TTC39C: variants seen among roughly 807,000 people sequenced by gnomAD.
The protein encoded by TTC39C is tetratricopeptide repeat protein 39C.
A neutral mutation model predicts 76.3 loss-of-function variants in TTC39C; 33 were observed. The ratio of observed to expected loss-of-function variants is 0.43; its 90% CI spans 0.33 to 0.58. TTC39C has a LOEUF of 0.58. TTC39C is among the 20% of genes least tolerant of loss of function. The pLI is 0.04. For synonymous variants in TTC39C, 254 were observed against 260.6 expected (o/e 0.97, Z 0.24); for missense variants, 595 against 701.4 (o/e 0.85, Z 1.71).
chr18:24,124,069 A>G, intron 9 of TTC39C, 126 bp downstream of exon 9: 1 of 621,982 alleles, frequency 1.6e-6, no homozygotes, highest in Non-Finnish European at 2.8e-6. Flanking sequence ...AGTGCAGTTC[A>G]CCGCCATGCA....
At chr18:24,053,642 G>T (rs1364710097) in intron 1 of TTC39C, among the ~76,000 whole-genome samples, 3 of 152,188 alleles carry the variant, frequency 2.0e-5, no homozygotes, top group Non-Finnish European at 2.9e-5. Flanking sequence ...TCCATTGATT[G>T]TTGCCACAGT....
chr18:24,130,793 C>T (rs1256720131), intron 12 of TTC39C, among the ~76,000 whole-genome samples: 1 of 151,874 alleles, frequency 6.6e-6, no homozygotes, highest in Non-Finnish European at 1.5e-5. Context: ...TTGTGTACAG[C>T]ATGTTACTGT....
intron 3 of TTC39C, among the ~76,000 whole-genome samples, chr18:24,066,991 A>G (rs1465736491): frequency 6.6e-6 from 1 of 152,228 alleles, no homozygotes; most frequent in Non-Finnish European, 1.5e-5. Context: ...CTAGATTTGG[A>G]ACAACAGTGA....
intron 1 of TTC39C, among the ~76,000 whole-genome samples, chr18:24,029,589 T>G (rs1308517871): frequency 6.6e-6 from 1 of 152,184 alleles, no homozygotes; most frequent in Non-Finnish European, 1.5e-5. Context: ...ATTCCTGAGA[T>G]TTTGGTGTAC....
Position 24,118,243 on chromosome 18 carries a change from C to A in TTC39C, c.1186+11C>A, listed in dbSNP as rs1173129698. Reference sequence around the variant, plus strand: ...CCTACTTGACTGCAGGTGAGTCGCCCATGGTCCCTCAGTGTGCCTCTCTCT... The same window carrying A: ...CCTACTTGACTGCAGGTGAGTCGCCAATGGTCCCTCAGTGTGCCTCTCTCT... On this transcript the variant is annotated intron_variant, in intron 8 of 13. Coordinates refer to ENST00000317571, the MANE Select transcript of TTC39C (RefSeq NM_001135993.2). The A allele has an allele frequency of 1.2e-6, 2 of 1,602,020 alleles. No homozygotes were observed. Among genetic ancestry groups the A allele is most frequent in the South Asian group, 1.1e-5 (1 of 90,088 alleles).
intron 6 of TTC39C, chr18:24,113,856 G>A (rs2084852348): frequency 5.0e-6 from 3 of 599,330 alleles, no homozygotes; most frequent in Non-Finnish European, 9.0e-6. Flanking sequence ...GAGTTTGCTG[G>A]GTCCCAGACA....
intron 7 of TTC39C, among the ~76,000 whole-genome samples, chr18:24,116,884 G>A (rs1005370070): frequency 1.4e-5 from 2 of 142,718 alleles, no homozygotes; most frequent in Non-Finnish European, 3.0e-5. Flanking sequence ...GGAGTGCAGT[G>A]GTGCAGTCTC....
intron 9 of TTC39C, 104 bp downstream of exon 9, chr18:24,124,047 C>T: frequency 1.3e-6 from 1 of 772,674 alleles, no homozygotes. Flanking sequence ...TGCCTATTTA[C>T]TTGCCACATA....
chr18:24,132,826 G>C lies in TTC39C; in HGVS notation c.*252G>C, dbSNP rs2085149665. The C allele has an allele frequency of 2.8e-6, 1 of 355,380 alleles. No individual in the cohort carries two copies. 22.0% of individuals were successfully genotyped at this position (355,380 alleles called of 1,614,324 possible). On this transcript the variant is annotated 3_prime_UTR_variant, in exon 14 of 14. Coordinates refer to ENST00000317571, the MANE Select transcript of TTC39C (RefSeq NM_001135993.2). ...CCTGGGGAGAGGGTTAAGTGACCTT[G>C]CTCAAACGTTTTAGTTTTGTGATTT...
At chr18:24,103,452 C>G (rs1370648008) in intron 6 of TTC39C, among the ~76,000 whole-genome samples, 1 of 152,150 alleles carries the variant, frequency 6.6e-6, no homozygotes, top group Non-Finnish European at 1.5e-5. Flanking sequence ...GTGTGTAATT[C>G]ACTAATCTGC....
At chr18:24,097,475 C>A (rs553865984) in intron 6 of TTC39C, among the ~76,000 whole-genome samples, 12 of 152,350 alleles carry the variant, frequency 7.9e-5, no homozygotes, top group African/African-American at 2.6e-4. Context: ...TGCAGCTGAT[C>A]TGGGTGCAGT....
chr18:24,028,930 T>G (rs1308091948), intron 1 of TTC39C, among the ~76,000 whole-genome samples: 1 of 151,914 alleles, frequency 6.6e-6, no homozygotes, highest in Non-Finnish European at 1.5e-5. Context: ...ACCATATTGA[T>G]CAGGCTAGTC....
Position 24,083,219 on chromosome 18 carries a change from C to T in TTC39C, c.984+138C>T, listed in dbSNP as rs2084398917. On this transcript the variant is annotated intron_variant, in intron 6 of 13. Transcript: ENST00000317571. ...TTTGTTCTTTTGCCTTTCCTTGTGT[C>T]TTTGCTAGGGAAGACTCTTCCAGGA... The T allele has an allele frequency of 5.6e-6, 5 of 898,346 alleles. No homozygotes were observed. The South Asian group carries it at 9.6e-5, about 17-fold the overall frequency. 55.6% of individuals were successfully genotyped at this position (898,346 alleles called of 1,614,324 possible).
At chr18:24,115,954 T>G (rs1252705613) in intron 7 of TTC39C, among the ~76,000 whole-genome samples, 1 of 152,070 alleles carries the variant, frequency 6.6e-6, no homozygotes, top group Admixed American at 6.6e-5. Context: ...TCAAGTCCTA[T>G]GACAGGATAG....
At chr18:24,067,195 T>G (rs147929497) in intron 3 of TTC39C, among the ~76,000 whole-genome samples, 8 of 152,382 alleles carry the variant, frequency 5.2e-5, no homozygotes, top group Middle Eastern at 6.8e-3. Context: ...GAGTGTTCTA[T>G]TCTTCATTTT....
At chr18:24,090,440 T>G (rs940544168) in intron 6 of TTC39C, among the ~76,000 whole-genome samples, 2 of 152,226 alleles carry the variant, frequency 1.3e-5, no homozygotes, top group Non-Finnish European at 2.9e-5. Flanking sequence ...TTAAAGCAGT[T>G]TAACATTTTT....
intron 1 of TTC39C, among the ~76,000 whole-genome samples, chr18:24,026,266 C>T (rs2083599290): frequency 6.6e-6 from 1 of 152,186 alleles, no homozygotes; most frequent in African/African-American, 2.4e-5. Flanking sequence ...TATATGCTTC[C>T]CAGGAAGTGA....
At chr18:24,059,677 C>T (rs929746415) in intron 1 of TTC39C, among the ~76,000 whole-genome samples, 1 of 152,214 alleles carries the variant, frequency 6.6e-6, no homozygotes, top group South Asian at 2.1e-4. Flanking sequence ...AGTGAACATA[C>T]ATGTGCATGT....
rs534898500 is a variant in TTC39C at position 24,114,723 on chromosome 18, G to A, written c.1078+76G>A. ...AGTATTTTAGCTTTCATGCCATTCA[G>A]TGTGTGTCTACAAAATGCTTGGTGC... On this transcript the variant is annotated intron_variant, in intron 7 of 13. Transcript: ENST00000317571. 9.5e-6 allele frequency: 11 copies of A among 1,154,322 alleles called. No individual in the cohort carries two copies. In the East Asian group the frequency reaches 2.6e-4, roughly 28 times the overall value. The allele number at this position is 1,154,322 out of a possible 1,614,324, so 71.5% of individuals were successfully genotyped here. A position where few individuals can be genotyped will look rare whatever the true frequency, so the allele number is the denominator to read the frequency against.
Sources: gnomAD v4.1 joint callset for allele counts (sites outside exome capture counted in the v4.1 genomes callset) on GRCh38, gnomAD v4.1.1 for gene constraint, MANE v1.5 for transcripts, NCBI Gene and HGNC (gene_info 2026-07-23, HGNC 2026-07-21) for gene names.